KCNQ1: variants seen among roughly 807,000 people sequenced by gnomAD.
KCNQ1 encodes potassium voltage-gated channel subfamily Q member 1.
Under a neutral mutation model 72.4 loss-of-function variants are expected in KCNQ1, and 49 were observed. The observed-to-expected ratio is 0.68, with a 90% confidence interval of 0.54 to 0.86. The LOEUF is 0.86. KCNQ1 is among the 40% of genes least tolerant of loss of function. The pLI is 0.00. For missense variants in KCNQ1, 790 were observed against 945.1 expected, an observed-to-expected ratio of 0.84 and a Z score of 2.15; for synonymous variants, 450 against 412.6, an observed-to-expected ratio of 1.09 and a Z score of -1.10.
intron 11 of KCNQ1, among the ~76,000 whole-genome samples, chr11:2,701,211 G>A (rs1483832573): frequency 1.3e-5 from 2 of 152,200 alleles, no homozygotes; most frequent in Non-Finnish European, 2.9e-5. Flanking sequence ...AAGGGTGACC[G>A]GGTTGGGGGT....
chr11:2,848,378 G>T lies in KCNQ1; in HGVS notation c.*375G>T. ...GCAGGCCCACCCTGCTTGGCCCAGG[G>T]GGCTTCCTGAGGGGAGACAGAGCAA... On this transcript the variant is annotated 3_prime_UTR_variant, in exon 16 of 16. Transcript: ENST00000155840. The T allele has an allele frequency of 2.0e-6, 1 of 511,152 alleles. No individual in the cohort carries two copies. Among genetic ancestry groups the T allele is most frequent in the Non-Finnish European group, 3.8e-6 (1 of 264,024 alleles). The allele number at this position is 511,152 out of a possible 1,614,324, so 31.7% of individuals were successfully genotyped here. A position where few individuals can be genotyped will look rare whatever the true frequency, so the allele number is the denominator to read the frequency against.
rs192490293 is a variant in KCNQ1, at chr11:2,709,386, C to T, written c.1514+47305C>T. ...GCTTCCTGGAATTGGGAGCCACTCTCGGTGTCTGCTCTGGTGCTACGGTCC... is the reference window on the plus strand; with the variant it reads ...GCTTCCTGGAATTGGGAGCCACTCTTGGTGTCTGCTCTGGTGCTACGGTCC... On this transcript the variant is annotated intron_variant, in intron 11 of 15. Transcript: ENST00000155840. Among the ~76,000 whole-genome samples the T allele has an allele frequency of 5.3e-3, 805 of 151,752 alleles. 6 individuals carry two copies. Among genetic ancestry groups the T allele is most frequent in the African/African-American group, 0.019 (769 of 41,338 alleles).
chr11:2,618,273 A>G, intron 10 of KCNQ1: 1 of 398,598 alleles, frequency 2.5e-6, no homozygotes, highest in Non-Finnish European at 4.4e-6. Flanking sequence ...TAGGCCACAC[A>G]TAAAATACAC....
rs971790282 is a variant in KCNQ1 at position 2,627,837 on chromosome 11, A to G, written c.1394-34124A>G. 1 of 398,528 alleles carries G rather than the reference A, an allele frequency of 2.5e-6. No homozygotes were observed. The highest frequency in any genetic ancestry group is 4.4e-6 in the Non-Finnish European group (1 of 226,148). The allele number at this position is 398,528 out of a possible 1,614,324, so 24.7% of individuals were successfully genotyped here. ...ACAATCACAGTTCACTGTAGCCTCA[A>G]CCTCATGGGCTCAAGTGATCCTCCT... is the stretch of plus-strand genomic sequence containing the variant. On this transcript the variant is annotated intron_variant, in intron 10 of 15. Transcript: ENST00000155840. This position sits in a 1 kb window ranked among gnomAD's most constrained non-coding sequence, Gnocchi z 4.9.
rs1849777843 is a variant in KCNQ1, at chr11:2,652,808, CAG to C, written c.1394-9149_1394-9148del. ...TACTCAGACCCCACCCTTGGGCCTGCAGAGACATTTCCGTTCACTCTGAGATT... is the reference window on the plus strand; with the variant it reads ...TACTCAGACCCCACCCTTGGGCCTGCAGACATTTCCGTTCACTCTGAGATT... On this transcript the variant is annotated intron_variant, in intron 10 of 15. Coordinates refer to ENST00000155840, the MANE Select transcript of KCNQ1 (RefSeq NM_000218.3). The surrounding 1 kb of genome is among the most constrained non-coding windows in gnomAD (Gnocchi z 5.9). 5 of 399,126 alleles carry C rather than the reference CAG, an allele frequency of 1.3e-5. No individual in the cohort carries two copies. The highest frequency in any genetic ancestry group is 8.8e-5 in the Admixed American group (2 of 22,754). 24.7% of individuals were successfully genotyped at this position (399,126 alleles called of 1,614,324 possible). A position where few individuals can be genotyped will look rare whatever the true frequency, so the allele number is the denominator to read the frequency against.
At chr11:2,580,962 G>A (rs550890963) in intron 6 of KCNQ1, among the ~76,000 whole-genome samples, 2 of 152,366 alleles carry the variant, frequency 1.3e-5, no homozygotes, top group Admixed American at 1.3e-4. Flanking sequence ...GGTGAGCACT[G>A]CCTCAGGGCA....
intron 15 of KCNQ1, among the ~76,000 whole-genome samples, chr11:2,840,669 A>ATAAT (rs1848189410): frequency 1.3e-5 from 2 of 152,250 alleles, no homozygotes; most frequent in South Asian, 4.1e-4. Flanking sequence ...AAACAAAAAA[A>ATAAT]TAATAAATGC....
rs1713950099 is a variant in KCNQ1 at position 2,723,081 on chromosome 11, CAG to C, written c.1515-45762_1515-45761del. Among the ~76,000 whole-genome samples the C allele has an allele frequency of 1.3e-5, 2 of 152,206 alleles. No individual in the cohort carries two copies. The highest frequency in any genetic ancestry group is 2.4e-5 in the African/African-American group (1 of 41,444). On this transcript the variant is annotated intron_variant, in intron 11 of 15. Transcript: ENST00000155840. This position sits in a 1 kb window ranked among gnomAD's most constrained non-coding sequence, Gnocchi z 4.2. Reference sequence around the variant, plus strand: ...GCCAGGGTGGTCTGAGCGGAGAGGACAGGGGGGATCCCAGACGGATCCTGAAA... The same window carrying C: ...GCCAGGGTGGTCTGAGCGGAGAGGACGGGGGATCCCAGACGGATCCTGAAA...
At chr11:2,589,010 A>G (rs1232523322) in intron 10 of KCNQ1, among the ~76,000 whole-genome samples, 156 bp downstream of exon 10, 2 of 152,076 alleles carry the variant, frequency 1.3e-5, no homozygotes, top group Non-Finnish European at 2.9e-5. Context: ...ACTTCTGTAA[A>G]CCTTCCAGGT....
rs954638289 is a variant in KCNQ1, at chr11:2,536,337, C to T, written c.477+8319C>T. Among the ~76,000 whole-genome samples the T allele has an allele frequency of 6.6e-6, 1 of 152,116 alleles. No homozygotes were observed. Among genetic ancestry groups the T allele is most frequent in the Non-Finnish European group, 1.5e-5 (1 of 68,008 alleles). ...CTGCCTGCGGCTCTTACAGGAGTCTCTCGTGCACCATTGCTCAACCCCCGA... is the reference window on the plus strand; with the variant it reads ...CTGCCTGCGGCTCTTACAGGAGTCTTTCGTGCACCATTGCTCAACCCCCGA... On this transcript the variant is annotated intron_variant, in intron 2 of 15. Transcript: ENST00000155840. The surrounding 1 kb of genome is among the most constrained non-coding windows in gnomAD (Gnocchi z 7.4).
chr11:2,728,682 G>A (rs1261372282), intron 11 of KCNQ1, among the ~76,000 whole-genome samples: 2 of 152,224 alleles, frequency 1.3e-5, no homozygotes, highest in Non-Finnish European at 2.9e-5. Context: ...TGGGCATGGG[G>A]TTCTGCTGGC....
rs1846298399 is a variant in KCNQ1 at position 2,462,875 on chromosome 11, G to A, written c.386+17391G>A. 6.6e-6 allele frequency among the ~76,000 whole-genome samples: 1 copy of A among 152,194 alleles called. No homozygotes were observed. Among genetic ancestry groups the A allele is most frequent in the Admixed American group, 6.5e-5 (1 of 15,284 alleles). On this transcript the variant is annotated intron_variant, in intron 1 of 15. Transcript: ENST00000155840. The surrounding 1 kb of genome is among the most constrained non-coding windows in gnomAD (Gnocchi z 8.2). ...CCAGAGTGACAGGGACCAAACCTGG[G>A]TCCATGTGCCGTGCCCAGCCTGGGG...
intron 15 of KCNQ1, among the ~76,000 whole-genome samples, chr11:2,801,354 G>A (rs1847260037): frequency 6.6e-6 from 1 of 152,238 alleles, no homozygotes; most frequent in Non-Finnish European, 1.5e-5. Context: ...CTGCTGGCCA[G>A]TCGTATCAGC....
chr11:2,693,130 A>G (rs1197690319), intron 11 of KCNQ1: 6 of 398,528 alleles, frequency 1.5e-5, no homozygotes, highest in Non-Finnish European at 2.7e-5. Flanking sequence ...CTTTCTGTCA[A>G]TCACCAGATA....
At chr11:2,641,770 A>G in intron 10 of KCNQ1, 2 of 398,424 alleles carry the variant, frequency 5.0e-6, no homozygotes, top group Non-Finnish European at 4.4e-6. Flanking sequence ...TTATAGTTTC[A>G]TGCCTCATGT....
intron 11 of KCNQ1, among the ~76,000 whole-genome samples, chr11:2,751,730 C>T (rs1846229777): frequency 6.6e-6 from 1 of 152,254 alleles, no homozygotes. Flanking sequence ...GCGCTGTGTC[C>T]CTGCAAGGGC....
intron 1 of KCNQ1, among the ~76,000 whole-genome samples, chr11:2,465,616 A>AGGTGCCTTGTACC (rs1846341254): frequency 6.6e-6 from 1 of 152,120 alleles, no homozygotes; most frequent in South Asian, 2.1e-4. Flanking sequence ...TGCTCACGCT[A>AGGTGCCTTGTACC]GGTGCCTTGT....
rs769848998 is a variant in KCNQ1, at chr11:2,847,856, C to T, written c.1884C>T (p.Gly628=). 1.3e-5 allele frequency: 21 copies of T among 1,573,454 alleles called. No homozygotes were observed. The South Asian group carries it at 1.5e-4, about 11-fold the overall frequency. Residue 628 remains glycine (G), a synonymous_variant, in exon 16 of 16, where the codon GGC becomes GGT. Transcript: ENST00000155840. ...SLHGGSTPGS[G]GPPREGGAHI... ...ACGGTGGCAGCACCCCCGGCAGCGG[C>T]GGCCCCCCCAGAGAGGGCGGGGCCC... is the stretch of plus-strand genomic sequence containing the variant.
rs917480516 is a variant in KCNQ1 at position 2,759,515 on chromosome 11, C to A, written c.1515-9329C>A. On this transcript the variant is annotated intron_variant, in intron 11 of 15. Coordinates refer to ENST00000155840, the MANE Select transcript of KCNQ1 (RefSeq NM_000218.3). This position sits in a 1 kb window ranked among gnomAD's most constrained non-coding sequence, Gnocchi z 4.4. The stretch of plus-strand genomic sequence containing the variant: ...GGCCTTTGAAGACAGCTCTGTGTCT[C>A]CTAGGACGCACAGGTGTGGGACCTC... Among the ~76,000 whole-genome samples the A allele has an allele frequency of 3.9e-5, 6 of 152,196 alleles. No homozygotes were observed. The highest frequency in any genetic ancestry group is 1.2e-4 in the African/African-American group (5 of 41,450).
Sources: allele counts gnomAD v4.1 joint callset (sites outside exome capture counted in the v4.1 genomes callset), GRCh38; gene constraint gnomAD v4.1.1; non-coding constraint Gnocchi (gnomAD v3.1); transcripts MANE v1.5; gene names NCBI Gene and HGNC (gene_info 2026-07-23, HGNC 2026-07-21).